HHAT: variants seen among roughly 807,000 people sequenced by gnomAD.
The protein encoded by HHAT is protein-cysteine N-palmitoyltransferase HHAT.
In HHAT, 47 loss-of-function variants were observed where a neutral mutation model predicts 70.8. The ratio of observed to expected loss-of-function variants is 0.66; its 90% confidence interval spans 0.53 to 0.85. The LOEUF (loss-of-function observed/expected upper bound fraction) is 0.85, where lower values mean the gene tolerates loss of function less well. Among genes scored for constraint, HHAT ranks in the 40% least tolerant of loss-of-function variants. HHAT has a pLI of 0.00. For missense variants in HHAT, 609 were observed against 604.8 expected, an observed-to-expected ratio of 1.01 and a Z score of -0.07; for synonymous variants, 228 against 247.6, an observed-to-expected ratio of 0.92 and a Z score of 0.74.
intron 11 of HHAT, among the ~76,000 whole-genome samples, chr1:210,663,631 C>T (rs779885074): frequency 1.3e-5 from 2 of 152,224 alleles, no homozygotes; most frequent in Admixed American, 6.5e-5. Flanking sequence ...CTGCTCCATG[C>T]GTGAGCACCC....
At chr1:210,369,261 C>T (rs1184880709) in intron 3 of HHAT, among the ~76,000 whole-genome samples, 3 of 152,124 alleles carry the variant, frequency 2.0e-5, no homozygotes, top group Non-Finnish European at 4.4e-5. Context: ...GACACATTTT[C>T]CCATGACAGG....
chr1:210,613,974 TG>T (rs959789026), intron 10 of HHAT, among the ~76,000 whole-genome samples: 35 of 148,840 alleles, frequency 2.4e-4, no homozygotes, highest in African/African-American at 8.3e-4. Context: ...GAGTCATGAT[TG>T]TGCTACTGCA....
intron 11 of HHAT, among the ~76,000 whole-genome samples, chr1:210,650,575 G>T (rs1674939017): frequency 6.6e-6 from 1 of 151,994 alleles, no homozygotes; most frequent in African/African-American, 2.4e-5. Flanking sequence ...ATAATACAAG[G>T]GCCTTTTGTT....
At chr1:210,527,649 T>A (rs2095266968) in intron 9 of HHAT, among the ~76,000 whole-genome samples, 1 of 152,220 alleles carries the variant, frequency 6.6e-6, no homozygotes, top group Admixed American at 6.5e-5. Context: ...GGTTTGGCGA[T>A]TCACAAGCTC....
intron 1 of HHAT, among the ~76,000 whole-genome samples, chr1:210,344,365 C>T (rs2147952320): frequency 6.6e-6 from 1 of 152,236 alleles, no homozygotes; most frequent in South Asian, 2.1e-4. Flanking sequence ...GGAGTTTGCA[C>T]ATTCTCGCTA....
intron 7 of HHAT, among the ~76,000 whole-genome samples, chr1:210,430,414 C>T (rs1186924581): frequency 6.6e-6 from 1 of 151,682 alleles, no homozygotes; most frequent in Non-Finnish European, 1.5e-5. Flanking sequence ...AGTGAGTAGA[C>T]CTGGGGAATA....
intron 7 of HHAT, among the ~76,000 whole-genome samples, chr1:210,456,501 A>C (rs1215922546): frequency 6.6e-6 from 1 of 152,232 alleles, no homozygotes; most frequent in Non-Finnish European, 1.5e-5. Flanking sequence ...ATCAACATGC[A>C]CAACCAATTG....
At position 210,342,331 on chromosome 1, in the gene HHAT, C is replaced by G. The variant is rs74156134; in HGVS notation, c.-43-6602C>G. On this transcript the variant is annotated intron_variant, in intron 1 of 11. Coordinates refer to ENST00000261458, the MANE Select transcript of HHAT (RefSeq NM_018194.6). ...AAATCGTATGTTTTAAGACTCCTTA[C>G]CACTTGGCTCCTGTTCTCCCTTCCC... Among the ~76,000 whole-genome samples, 1,158 of 152,284 alleles carry G rather than the reference C, an allele frequency of 7.6e-3. 10 individuals carry two copies. The highest frequency in any genetic ancestry group is 0.026 in the African/African-American group (1,072 of 41,540).
At position 210,455,015 on chromosome 1, in the gene HHAT, T is replaced by A. The variant is rs558407254; in HGVS notation, c.857-9490T>A. Among the ~76,000 whole-genome samples, 13 of 152,200 alleles carry A rather than the reference T, an allele frequency of 8.5e-5. No individual in the cohort carries two copies. In the South Asian group the frequency reaches 2.7e-3, roughly 32 times the overall value. On this transcript the variant is annotated intron_variant, in intron 7 of 11. Coordinates refer to ENST00000261458, the MANE Select transcript of HHAT (RefSeq NM_018194.6). The stretch of plus-strand genomic sequence containing the variant: ...CCCAGTGTAGAGCCCTTTCTACAGA[T>A]CACTGGCTCCTCTCATTTAAGGACA...
At chr1:210,431,760 A>C (rs6656493) in intron 7 of HHAT, among the ~76,000 whole-genome samples, 2,305 of 151,912 alleles carry the variant, frequency 0.015, 31 homozygotes, top group Non-Finnish European at 0.022. Context: ...ACGGGAATGA[A>C]ATTCCCTTTC....
At chr1:210,502,452 C>T (rs1157508037) in intron 8 of HHAT, among the ~76,000 whole-genome samples, 1 of 149,990 alleles carries the variant, frequency 6.7e-6, no homozygotes, top group Non-Finnish European at 1.5e-5. Context: ...AAGTATATCT[C>T]ATTTAATTTA....
At chr1:210,563,965 T>C (rs1172174353) in intron 9 of HHAT, among the ~76,000 whole-genome samples, 3 of 152,156 alleles carry the variant, frequency 2.0e-5, no homozygotes, top group African/African-American at 7.2e-5. Context: ...GTTTGTTTGT[T>C]TGTTTTGAGA....
chr1:210,396,699 C>A lies in HHAT; in HGVS notation c.274-3769C>A, dbSNP rs531134057. On this transcript the variant is annotated intron_variant, in intron 4 of 11. Transcript: ENST00000261458. The stretch of plus-strand genomic sequence containing the variant: ...ACATTGCAAACAGCCTAGATAGCCT[C>A]CAGTAGGTTAATGGCTAACAAGCTG... Among the ~76,000 whole-genome samples, 3 of 152,292 alleles carry A rather than the reference C, an allele frequency of 2.0e-5. No homozygotes were observed. In the South Asian group the frequency reaches 6.2e-4, roughly 32 times the overall value.
chr1:210,640,569 A>G (rs1370155170), intron 11 of HHAT, among the ~76,000 whole-genome samples: 1 of 152,018 alleles, frequency 6.6e-6, no homozygotes, highest in Non-Finnish European at 1.5e-5. Context: ...GTATAAACCC[A>G]TCAGAACACT....
chr1:210,473,792 T>A (rs545614880), intron 8 of HHAT, among the ~76,000 whole-genome samples: 1 of 151,966 alleles, frequency 6.6e-6, no homozygotes, highest in Non-Finnish European at 1.5e-5. Flanking sequence ...TCCTCCTTGC[T>A]AATGAAAAAA....
chr1:210,473,166 C>T (rs6540598), intron 8 of HHAT, among the ~76,000 whole-genome samples: 122,825 of 152,196 alleles, frequency 0.81, 49,719 homozygotes, highest in South Asian at 0.86. Context: ...CAAAGAGATA[C>T]ATTTTAGGGT....
intron 11 of HHAT, among the ~76,000 whole-genome samples, chr1:210,670,119 C>T (rs1679784432): frequency 6.6e-6 from 1 of 152,162 alleles, no homozygotes; most frequent in African/African-American, 2.4e-5. Context: ...GACTGTGTAC[C>T]ATAGCAGCCC....
chr1:210,580,208 T>C (rs1453779213), intron 9 of HHAT, among the ~76,000 whole-genome samples: 1 of 152,134 alleles, frequency 6.6e-6, no homozygotes, highest in Non-Finnish European at 1.5e-5. Context: ...GCTTTGAAAA[T>C]AGACTCCTCT....
chr1:210,339,916 C>T (rs1553313754), intron 1 of HHAT, among the ~76,000 whole-genome samples: 1 of 152,166 alleles, frequency 6.6e-6, no homozygotes, highest in Non-Finnish European at 1.5e-5. Flanking sequence ...TGTAATTAGA[C>T]TTTTTTCCCC....
Sources: gnomAD v4.1 joint callset for allele counts (sites outside exome capture counted in the v4.1 genomes callset) on GRCh38, gnomAD v4.1.1 for gene constraint, MANE v1.5 for transcripts, NCBI Gene and HGNC (gene_info 2026-07-23, HGNC 2026-07-21) for gene names.